The following ANKRD26 variants were observed in gnomAD, a reference collection of about 807,000 sequenced individuals.
The protein encoded by ANKRD26 is ankyrin repeat domain 26.
ANKRD26 carries 141 observed loss-of-function variants against 208.7 expected under a neutral mutation model. That is an observed-to-expected ratio of 0.68 (90% CI 0.59 to 0.78). The LOEUF (loss-of-function observed/expected upper bound fraction) is 0.78. ANKRD26 is among the 30% of genes least tolerant of loss of function. The pLI, the probability that ANKRD26 is intolerant of heterozygous loss-of-function variation, is 0.00. For missense variants in ANKRD26, 1,889 were observed against 1,938.7 expected (o/e 0.97, Z 0.48); for synonymous variants, 636 against 660.4 (o/e 0.96, Z 0.57).
At chr10:27,039,463 A>G (rs1052849174) in intron 21 of ANKRD26, among the ~76,000 whole-genome samples, 5 of 152,002 alleles carry the variant, frequency 3.3e-5, no homozygotes, top group African/African-American at 1.2e-4. Context: ...CAAAAAAAAA[A>G]AAAAAATTTA....
downstream of ANKRD26, among the ~76,000 whole-genome samples, chr10:27,000,635 CATAAT>C (rs1203938782): frequency 2.0e-5 from 3 of 152,134 alleles, no homozygotes; most frequent in Non-Finnish European, 4.4e-5. Context: ...AGGAAGGTAA[CATAAT>C]AGAATCAAAA....
chr10:27,028,585 C>CAAAAAAAAAAAAAAAAAA lies in ANKRD26; in HGVS notation c.3972+249_3972+266dup, dbSNP rs11294303. 1.0e-3 allele frequency among the ~76,000 whole-genome samples: 76 copies of CAAAAAAAAAAAAAAAAAA among 76,046 alleles called. 1 individual carries two copies. The highest frequency in any genetic ancestry group is 4.8e-3 in the East Asian group (11 of 2,286). 49.9% of individuals were successfully genotyped at this position (76,046 alleles called of 152,430 possible). Reference sequence around the variant, plus strand: ...TGGGCGACAGAGTGAGACTCCATCTCAAAAAAAAAAAAAAAAAAAAATTAC... The same window carrying CAAAAAAAAAAAAAAAAAA: ...TGGGCGACAGAGTGAGACTCCATCTCAAAAAAAAAAAAAAAAAAAAAAAAAAAAAAAAAAAAAAATTAC... On this transcript the variant is annotated intron_variant, in intron 27 of 33. Transcript: ENST00000376087.
chr10:27,040,151 T>A lies in ANKRD26; in HGVS notation c.2189A>T (p.Asp730Val). The A allele has an allele frequency of 6.2e-7, 1 of 1,612,494 alleles. No individual in the cohort carries two copies. The highest frequency in any genetic ancestry group is 1.1e-5 in the South Asian group (1 of 91,016). The change falls in exon 21 of 34, where the codon GAT becomes GTT. Residue 730 changes from aspartate (D) to valine (V), a missense_variant. Coordinates refer to ENST00000376087, the MANE Select transcript of ANKRD26 (RefSeq NM_014915.3). ...TAATCTTTCACATGAAAGAGCTGCATCCTGGATTTTCAATAGGCTAACAGA... is the reference window on the plus strand; with the variant it reads ...TAATCTTTCACATGAAAGAGCTGCAACCTGGATTTTCAATAGGCTAACAGA... Reference protein sequence around the residue: ...KDSVSLLKIQDAALSCERLLE... With the variant: ...KDSVSLLKIQVAALSCERLLE...
chr10:27,048,992 T>C lies in ANKRD26; in HGVS notation c.1636-13A>G, dbSNP rs769969098. On this transcript the variant is annotated splice_polypyrimidine_tract_variant and intron_variant, in intron 16 of 33. Transcript: ENST00000376087. ...TTTCTTCTTCAACCTTTAATGAAAG[T>C]TTGATACTAAGGAATTGCTATTACT... 6.3e-7 allele frequency: 1 copy of C among 1,575,548 alleles called. No individual in the cohort carries two copies. The highest frequency in any genetic ancestry group is 1.8e-5 in the Admixed American group (1 of 57,042).
chr10:27,014,585 C>T lies in ANKRD26; in HGVS notation c.4633G>A (p.Glu1545Lys). The T allele has an allele frequency of 1.9e-6, 3 of 1,602,324 alleles. No individual in the cohort carries two copies. The South Asian group carries it at 3.3e-5, about 18-fold the overall frequency. The change falls in exon 31 of 34, where the codon GAA (glutamate) becomes AAA (lysine). Residue 1545 changes from glutamate to lysine, a missense_variant. Glu to Lys is a moderately conservative substitution (Grantham distance 56). Around this residue, in one of 3 missense-constraint regions of ANKRD26, gnomAD observed 613 missense variants for 648.2 expected, o/e 0.95. Coordinates refer to ENST00000376087, the MANE Select transcript of ANKRD26 (RefSeq NM_014915.3). The part of the protein sequence containing the change: ...SELSKIKTSQ[E>K]DFNKTELEKY... ...TCCAGTTCGGTTTTATTAAAGTCTT[C>T]TTGAGAAGTTTTTATTTTGGAGAGT...
At position 27,046,536 on chromosome 10, in the gene ANKRD26, C is replaced by T. The variant is rs892581487; in HGVS notation, c.1815-13G>A. On this transcript the variant is annotated splice_polypyrimidine_tract_variant and intron_variant, in intron 17 of 33. Transcript: ENST00000376087. Reference sequence around the variant, plus strand: ...GGCAGGACCACTACTTTAAAAAATCCATGGGAAATGACAGTTACATAAGAA... The same window carrying T: ...GGCAGGACCACTACTTTAAAAAATCTATGGGAAATGACAGTTACATAAGAA... The T allele has an allele frequency of 1.2e-6, 2 of 1,611,702 alleles. No homozygotes were observed. The highest frequency in any genetic ancestry group is 1.7e-5 in the Admixed American group (1 of 59,826).
intron 9 of ANKRD26, among the ~76,000 whole-genome samples, chr10:27,075,373 T>C (rs1391284357): frequency 2.6e-5 from 4 of 152,168 alleles, no homozygotes; most frequent in Admixed American, 6.6e-5. Flanking sequence ...AGGATTCCTA[T>C]ACTCTCAAGA....
intron 27 of ANKRD26, 93 bp from the exon 28 acceptor site, chr10:27,024,652 T>C (rs1054234928): frequency 1.6e-5 from 11 of 683,026 alleles, no homozygotes; most frequent in Admixed American, 2.6e-5. Flanking sequence ...GAGTAACATA[T>C]GTTTAGGCAT....
chr10:27,029,396 C>A lies in ANKRD26; in HGVS notation c.3808-40G>T, dbSNP rs375722990. On this transcript the variant is annotated intron_variant, in intron 25 of 33. Coordinates refer to ENST00000376087, the MANE Select transcript of ANKRD26 (RefSeq NM_014915.3). ...AAAAAAAACCCACTTTACTAATAAT[C>A]TAGTACACATCTGTCCATTACCTGT... is the stretch of plus-strand genomic sequence containing the variant. 2.3e-4 allele frequency: 360 copies of A among 1,572,738 alleles called. 1 individual carries two copies. The East Asian group carries it at 3.6e-3, about 16-fold the overall frequency.
At chr10:26,972,021 G>C (rs2052151678), downstream of ANKRD26, among the ~76,000 whole-genome samples, 1 of 152,146 alleles carries the variant, frequency 6.6e-6, no homozygotes, top group African/African-American at 2.4e-5. Flanking sequence ...GGATCACAAA[G>C]TCAGGAGATC....
chr10:27,099,987 G>T, intron 1 of ANKRD26, 98 bp downstream of exon 1: 1 of 1,588,702 alleles, frequency 6.3e-7, no homozygotes. Flanking sequence ...GAGCCCGCGG[G>T]AGGCTGATCC....
chr10:26,987,869 G>A (rs576353481), downstream of ANKRD26, among the ~76,000 whole-genome samples: 1 of 152,178 alleles, frequency 6.6e-6, no homozygotes, highest in Admixed American at 6.6e-5. Context: ...GAATGGAAGT[G>A]CCTGATACAG....
chr10:26,947,846 T>A, the ANKRD26 span, among the ~76,000 whole-genome samples: 3 of 152,256 alleles, frequency 2.0e-5, no homozygotes, highest in Non-Finnish European at 4.4e-5. Context: ...CTTAGTTTAG[T>A]ATAAAAATAA....
chr10:27,038,447 C>T lies in ANKRD26; in HGVS notation c.2376-393G>A, dbSNP rs546609883. ...CGCAGATCACTTGAAGTCAGGAGTT[C>T]GAGACCAGCCTGGCCAACAGGGTGA... On this transcript the variant is annotated intron_variant, in intron 21 of 33. Coordinates refer to ENST00000376087, the MANE Select transcript of ANKRD26 (RefSeq NM_014915.3). 8.0e-4 allele frequency among the ~76,000 whole-genome samples: 122 copies of T among 152,186 alleles called. 1 individual carries two copies. The highest frequency in any genetic ancestry group is 2.6e-3 in the African/African-American group (110 of 41,536).
chr10:27,062,585 T>G (rs1213315736), intron 12 of ANKRD26, among the ~76,000 whole-genome samples: 1 of 152,204 alleles, frequency 6.6e-6, no homozygotes, highest in Non-Finnish European at 1.5e-5. Context: ...TGGAATCTGG[T>G]GTCAAGCTCC....
intron 4 of ANKRD26, among the ~76,000 whole-genome samples, chr10:26,982,574 G>A (rs1384526675): frequency 2.0e-5 from 3 of 151,436 alleles, no homozygotes; most frequent in African/African-American, 7.3e-5. Context: ...CTCATTCTTA[G>A]GTGGTCTTGT....
intron 5 of ANKRD26, among the ~76,000 whole-genome samples, chr10:26,994,654 G>A (rs1395485679): frequency 1.3e-5 from 2 of 152,224 alleles, no homozygotes; most frequent in East Asian, 1.9e-4. Flanking sequence ...TGGTTACCCT[G>A]CTTTCAGTGG....
chr10:27,037,919 G>A lies in ANKRD26; in HGVS notation c.2511C>T (p.Leu837=). 1 of 1,613,210 alleles carries A rather than the reference G, an allele frequency of 6.2e-7. No individual in the cohort carries two copies. The highest frequency in any genetic ancestry group is 8.5e-7 in the Non-Finnish European group (1 of 1,179,728). The part of the protein sequence containing the change: ...VEVKQQLELS[L]QTLEMELRTV... ...TCCTCAATTCCATCTCCAGTGTTTG[G>A]AGACTCAGTTCAAGCTGTTGTTTCA... The change falls in exon 22 of 34, where the codon CTC becomes CTT. Residue 837 remains leucine (L), a synonymous_variant. Coordinates refer to ENST00000376087, the MANE Select transcript of ANKRD26 (RefSeq NM_014915.3).
At chr10:27,029,265 G>C in intron 26 of ANKRD26, 21 bp downstream of exon 26, 4 of 1,598,542 alleles carry the variant, frequency 2.5e-6, no homozygotes, top group Non-Finnish European at 3.4e-6. Context: ...ATGTTTTTCT[G>C]TGTGCTGCTT....
Sources: allele counts gnomAD v4.1 joint callset (sites outside exome capture counted in the v4.1 genomes callset), GRCh38; gene constraint gnomAD v4.1.1; regional missense constraint gnomAD v4.1.1; transcripts MANE v1.5; gene names NCBI Gene and HGNC (gene_info 2026-07-23, HGNC 2026-07-21).